Variants in CAMK4 observed in about 807,000 individuals in gnomAD.
CAMK4 encodes calcium/calmodulin-dependent protein kinase type IV.
Under a neutral mutation model 44.9 loss-of-function variants are expected in CAMK4, and 22 were observed. The ratio of observed to expected loss-of-function variants is 0.49; its 90% CI spans 0.35 to 0.70. The LOEUF (loss-of-function observed/expected upper bound fraction) is 0.70, where lower values mean the gene tolerates loss of function less well. Ranked by LOEUF, CAMK4 falls within the 30% of genes least tolerant of loss-of-function variation. The pLI, the probability that CAMK4 is intolerant of heterozygous loss-of-function variation, is 0.01. For synonymous variants in CAMK4, 218 were observed against 215.4 expected, an observed-to-expected ratio of 1.01 and a Z score of -0.11; for missense variants, 498 against 586.8, an observed-to-expected ratio of 0.85 and a Z score of 1.56.
chr5:111,254,524 A>G (rs1042548193), intron 1 of CAMK4, among the ~76,000 whole-genome samples: 1 of 152,222 alleles, frequency 6.6e-6, no homozygotes, highest in African/African-American at 2.4e-5. Context: ...ATATCAAAAT[A>G]CAAGTTTTAA....
intron 7 of CAMK4, among the ~76,000 whole-genome samples, chr5:111,470,504 G>T (rs928688132): frequency 2.0e-5 from 3 of 151,902 alleles, no homozygotes; most frequent in African/African-American, 7.3e-5. Context: ...TGGTGAAAAT[G>T]ATGAAAAATA....
chr5:111,326,157 A>T (rs945915578), intron 1 of CAMK4, among the ~76,000 whole-genome samples: 1 of 152,012 alleles, frequency 6.6e-6, no homozygotes, highest in Non-Finnish European at 1.5e-5. Context: ...GGAAAAATTT[A>T]AAATGCTAAA....
rs1471091206 is a variant in CAMK4, at chr5:111,484,021, A to C, written c.982-5A>C. 6.4e-7 allele frequency: 1 copy of C among 1,555,606 alleles called. No homozygotes were observed. Among genetic ancestry groups the C allele is most frequent in the African/African-American group, 1.4e-5 (1 of 73,058 alleles). On this transcript the variant is annotated splice_region_variant and splice_polypyrimidine_tract_variant and intron_variant, in intron 10 of 10. Coordinates refer to ENST00000282356, the MANE Select transcript of CAMK4 (RefSeq NM_001744.6). The surrounding 1 kb of genome is among the most constrained non-coding windows in gnomAD (Gnocchi z 5.3). Reference sequence around the variant, plus strand: ...AACACTTGACACTCTTCTGTTTCCAATCAGGCAGCGGTGAAGGCTGTGGTG... The same window carrying C: ...AACACTTGACACTCTTCTGTTTCCACTCAGGCAGCGGTGAAGGCTGTGGTG...
intron 1 of CAMK4, among the ~76,000 whole-genome samples, chr5:111,247,971 G>A (rs898533337): frequency 6.6e-6 from 1 of 152,138 alleles, no homozygotes; most frequent in African/African-American, 2.4e-5. Flanking sequence ...GTGCTCAGGG[G>A]CATTGTGGTT....
chr5:111,354,405 C>T lies in CAMK4; in HGVS notation c.240+10303C>T, dbSNP rs548427632. Among the ~76,000 whole-genome samples the T allele has an allele frequency of 9.3e-4, 137 of 147,200 alleles. 1 individual carries two copies. Among genetic ancestry groups the T allele is most frequent in the African/African-American group, 3.2e-3 (124 of 39,330 alleles). ...TAATTAATAACACTGTGTTGGTATA[C>T]TTGAAATTTTCTAGGAGTAAATGTT... On this transcript the variant is annotated intron_variant, in intron 2 of 10. Transcript: ENST00000282356.
At chr5:111,278,846 CTT>C (rs1407737129) in intron 1 of CAMK4, among the ~76,000 whole-genome samples, 1 of 152,140 alleles carries the variant, frequency 6.6e-6, no homozygotes, top group African/African-American at 2.4e-5. Flanking sequence ...GATAACAAGA[CTT>C]TTTAAAATAT....
In CAMK4 at chr5:111,273,704, TATATATATATATATACACAC is replaced by T. The variant is rs1243211922; in HGVS notation, c.161+49062_161+49081del. Among the ~76,000 whole-genome samples the T allele has an allele frequency of 6.5e-3, 346 of 53,348 alleles. 20 individuals carry two copies. Among genetic ancestry groups the T allele is most frequent in the African/African-American group, 0.03 (249 of 8,220 alleles). The allele number at this position is 53,348 out of a possible 152,430, so 35.0% of individuals were successfully genotyped here. A position where few individuals can be genotyped will look rare whatever the true frequency, so the allele number is the denominator to read the frequency against. On this transcript the variant is annotated intron_variant, in intron 1 of 10. Coordinates refer to ENST00000282356, the MANE Select transcript of CAMK4 (RefSeq NM_001744.6). ...ATATATATATATATATATATATATATATATATATATATATACACACACATACATACACACACACACGCTCA... is the reference window on the plus strand; with the variant it reads ...ATATATATATATATATATATATATATACATACATACACACACACACGCTCA...
At chr5:111,291,781 G>A (rs1335300928) in intron 1 of CAMK4, among the ~76,000 whole-genome samples, 2 of 152,182 alleles carry the variant, frequency 1.3e-5, no homozygotes, top group Non-Finnish European at 2.9e-5. Flanking sequence ...GAGGTTCTGT[G>A]ACTAGAGGTG....
intron 7 of CAMK4, among the ~76,000 whole-genome samples, chr5:111,459,392 T>G (rs1754554216): frequency 6.6e-6 from 1 of 152,146 alleles, no homozygotes; most frequent in African/African-American, 2.4e-5. Context: ...TCACAAAAGC[T>G]GATTGACTCA....
At chr5:111,370,953 A>G (rs1433479590) in intron 2 of CAMK4, among the ~76,000 whole-genome samples, 2 of 152,076 alleles carry the variant, frequency 1.3e-5, no homozygotes, top group African/African-American at 4.8e-5. Context: ...CTTATGTTTT[A>G]ATAGCATCTG....
chr5:111,459,332 A>C (rs1172787377), intron 7 of CAMK4, among the ~76,000 whole-genome samples: 1 of 152,238 alleles, frequency 6.6e-6, no homozygotes, highest in Non-Finnish European at 1.5e-5. Context: ...ACATTCTAAC[A>C]ACTAAAGCTG....
At chr5:111,456,522 TTC>T (rs1335241594) in intron 7 of CAMK4, among the ~76,000 whole-genome samples, 2 of 149,620 alleles carry the variant, frequency 1.3e-5, no homozygotes, top group Non-Finnish European at 3.0e-5. Context: ...AAATAAAAAT[TTC>T]CCCCTAAGAT....
chr5:111,430,851 C>T (rs1018555679), intron 5 of CAMK4, among the ~76,000 whole-genome samples: 1 of 151,884 alleles, frequency 6.6e-6, no homozygotes, highest in Non-Finnish European at 1.5e-5. Context: ...TTCGAAGAAT[C>T]GGTATTATTA....
At chr5:111,378,026 T>G (rs1282143978) in intron 4 of CAMK4, among the ~76,000 whole-genome samples, 1 of 152,116 alleles carries the variant, frequency 6.6e-6, no homozygotes, top group African/African-American at 2.4e-5. Context: ...TCTGAATGTT[T>G]GTGTGCCCCC....
At chr5:111,478,654 A>G (rs1755327190) in intron 9 of CAMK4, 147 bp downstream of exon 9, 3 of 464,468 alleles carry the variant, frequency 6.5e-6, no homozygotes, top group African/African-American at 4.0e-5. Context: ...TAGTTCATTA[A>G]TACATTTTCC....
intron 4 of CAMK4, among the ~76,000 whole-genome samples, chr5:111,380,255 G>C (rs1751363361): frequency 6.6e-6 from 1 of 151,948 alleles, no homozygotes; most frequent in Non-Finnish European, 1.5e-5. Context: ...GATAACTCCA[G>C]TATCTAAGTA....
At chr5:111,448,653 A>C (rs888024304) in intron 6 of CAMK4, among the ~76,000 whole-genome samples, 1 of 152,094 alleles carries the variant, frequency 6.6e-6, no homozygotes, top group South Asian at 2.1e-4. Context: ...AAAATACAAA[A>C]AAATTAGCCG....
chr5:111,490,621 A>G lies in CAMK4; in HGVS notation c.*6155A>G, dbSNP rs1755785472. 6.6e-6 allele frequency: 1 copy of G among 152,170 alleles called. No homozygotes were observed. Among genetic ancestry groups the G allele is most frequent in the African/African-American group, 2.4e-5 (1 of 41,434 alleles). The allele number at this position is 152,170 out of a possible 1,614,324, so 9.4% of individuals were successfully genotyped here. ...CAAAAAAAAATATATATATATGACC[A>G]TAAATTGAAAACTATCATCTCATAC... On this transcript the variant is annotated 3_prime_UTR_variant, in exon 11 of 11. Transcript: ENST00000282356.
Position 111,290,776 on chromosome 5 carries a change from T to C in CAMK4, c.162-53248T>C, listed in dbSNP as rs1747211667. ...GGAGAAGTGCTGGGCAGGCATGAGG[T>C]AAGGTGTCAAGGGTCCCCTACTAAT... On this transcript the variant is annotated intron_variant, in intron 1 of 10. Coordinates refer to ENST00000282356, the MANE Select transcript of CAMK4 (RefSeq NM_001744.6). This position sits in a 1 kb window ranked among gnomAD's most constrained non-coding sequence, Gnocchi z 4.5. Among the ~76,000 whole-genome samples, 1 of 152,118 alleles carries C rather than the reference T, an allele frequency of 6.6e-6. No homozygotes were observed. Among genetic ancestry groups the C allele is most frequent in the South Asian group, 2.1e-4 (1 of 4,830 alleles).
Sources: allele counts gnomAD v4.1 joint callset (sites outside exome capture counted in the v4.1 genomes callset), GRCh38; gene constraint gnomAD v4.1.1; non-coding constraint Gnocchi (gnomAD v3.1); transcripts MANE v1.5; gene names NCBI Gene and HGNC (gene_info 2026-07-23, HGNC 2026-07-21).